HIP1: variants seen among roughly 807,000 people sequenced by gnomAD.
HIP1 encodes huntingtin-interacting protein 1.
HIP1 carries 65 observed loss-of-function variants against 147.6 expected under a neutral mutation model. That is an observed-to-expected ratio of 0.44 (90% CI 0.36 to 0.54). The LOEUF (loss-of-function observed/expected upper bound fraction) is 0.54. Among genes scored for constraint, HIP1 ranks in the 20% least tolerant of loss-of-function variants. The probability of loss-of-function intolerance (pLI) is 0.00; values close to 1 mark genes in which losing one functional copy is unlikely to be tolerated. For missense variants in HIP1, 1,061 were observed against 1,299.6 expected (o/e 0.82, Z 2.82); for synonymous variants, 479 against 504.0 (o/e 0.95, Z 0.67).
chr7:75,706,494 A>ATT (rs1285287876), intron 1 of HIP1, among the ~76,000 whole-genome samples: 2 of 112,944 alleles, frequency 1.8e-5, no homozygotes, highest in African/African-American at 7.0e-5. Flanking sequence ...TTTTTTTTTT[A>ATT]TTTTTTTATT....
Position 75,700,895 on chromosome 7 carries a change from C to T in HIP1, c.120+37906G>A, listed in dbSNP as rs539372142. Among the ~76,000 whole-genome samples the T allele has an allele frequency of 4.6e-5, 7 of 151,920 alleles. No homozygotes were observed. In the South Asian group the frequency reaches 1.2e-3, roughly 27 times the overall value. ...TAATTTTTTGTATTTTTAGTAGAGA[C>T]GGGGTTTCACCGTGTTAGCCAGGAT... On this transcript the variant is annotated intron_variant, in intron 1 of 30. Coordinates refer to ENST00000336926, the MANE Select transcript of HIP1 (RefSeq NM_005338.7).
rs60855107 is a variant in HIP1 at position 75,725,824 on chromosome 7, A to ATTTTT, written c.120+12972_120+12976dup. 8.3e-4 allele frequency among the ~76,000 whole-genome samples: 114 copies of ATTTTT among 136,530 alleles called. 2 individuals carry two copies. The highest frequency in any genetic ancestry group is 1.9e-3 in the East Asian group (9 of 4,634). The allele number at this position is 136,530 out of a possible 152,430, so 89.6% of individuals were successfully genotyped here. On this transcript the variant is annotated intron_variant, in intron 1 of 30. Transcript: ENST00000336926. ...ATGTCTGTGGGTGCATGTGCTATGC[A>ATTTTT]TTTTTTTTTTTTTTTTGAGACTGAG...
chr7:75,731,478 C>CAAAAAA (rs1214036700), intron 1 of HIP1, among the ~76,000 whole-genome samples: 7 of 36,260 alleles, frequency 1.9e-4, no homozygotes, highest in African/African-American at 4.3e-4. Flanking sequence ...GACTCCAACT[C>CAAAAAA]AAAAAAAAAA....
At chr7:75,727,929 C>T (rs953743282) in intron 1 of HIP1, among the ~76,000 whole-genome samples, 2 of 151,964 alleles carry the variant, frequency 1.3e-5, no homozygotes, top group Admixed American at 6.6e-5. Flanking sequence ...ACCCGGCTTC[C>T]GCTTTAAAGG....
At chr7:75,684,447 C>CAAAAAAAAAAA (rs59055803) in intron 1 of HIP1, among the ~76,000 whole-genome samples, 2 of 43,828 alleles carry the variant, frequency 4.6e-5, no homozygotes, top group Non-Finnish European at 9.8e-5. Context: ...GACTCCGTCT[C>CAAAAAAAAAAA]AAAAAAAAAA....
intron 12 of HIP1, among the ~76,000 whole-genome samples, chr7:75,561,793 C>A (rs1017263230): frequency 7.2e-5 from 11 of 152,204 alleles, no homozygotes; most frequent in East Asian, 3.9e-4. Flanking sequence ...CAGGTGTGTA[C>A]CACCTGCCCA....
intron 1 of HIP1, among the ~76,000 whole-genome samples, chr7:75,617,941 C>T (rs1325326915): frequency 6.6e-6 from 1 of 152,230 alleles, no homozygotes; most frequent in Non-Finnish European, 1.5e-5. Flanking sequence ...ATCCACCAGA[C>T]ATATCCTGAT....
At chr7:75,614,610 G>C (rs187344064) in intron 1 of HIP1, among the ~76,000 whole-genome samples, 1 of 152,254 alleles carries the variant, frequency 6.6e-6, no homozygotes, top group Non-Finnish European at 1.5e-5. Flanking sequence ...TTTCCTTTAC[G>C]GATAGTGAAA....
intron 8 of HIP1, among the ~76,000 whole-genome samples, chr7:75,570,581 G>A (rs964781536): frequency 1.3e-5 from 2 of 151,820 alleles, no homozygotes; most frequent in African/African-American, 4.8e-5. Flanking sequence ...GTGAGCCACC[G>A]TGCCCGGCCA....
chr7:75,555,728 A>G (rs1335527880), intron 18 of HIP1, among the ~76,000 whole-genome samples, 177 bp from the exon 19 acceptor site: 1 of 152,128 alleles, frequency 6.6e-6, no homozygotes, highest in East Asian at 1.9e-4. Context: ...GCGGCTGCCC[A>G]CGATGTGCGG....
chr7:75,691,918 G>T (rs761432176), intron 1 of HIP1, among the ~76,000 whole-genome samples: 27 of 152,222 alleles, frequency 1.8e-4, no homozygotes, highest in Admixed American at 5.2e-4. Flanking sequence ...TGGGCACTAT[G>T]GTTTCTTTGC....
At chr7:75,595,680 A>T (rs1201220683) in intron 2 of HIP1, among the ~76,000 whole-genome samples, 3 of 152,082 alleles carry the variant, frequency 2.0e-5, no homozygotes, top group Admixed American at 6.6e-5. Context: ...ATTCAGAAAT[A>T]ATGCCTTTCT....
intron 1 of HIP1, among the ~76,000 whole-genome samples, chr7:75,649,538 C>T (rs1434398070): frequency 2.6e-5 from 4 of 152,130 alleles, no homozygotes; most frequent in African/African-American, 7.2e-5. Context: ...TTGTTATTGC[C>T]AGCTGCGGTT....
chr7:75,596,533 C>G (rs1313280831), intron 2 of HIP1, among the ~76,000 whole-genome samples: 6 of 152,114 alleles, frequency 3.9e-5, no homozygotes, highest in Admixed American at 1.3e-4. Flanking sequence ...ATTACAGGTA[C>G]CTGCCACCAC....
intron 1 of HIP1, among the ~76,000 whole-genome samples, chr7:75,663,463 C>A (rs998453127): frequency 6.6e-6 from 1 of 151,996 alleles, no homozygotes; most frequent in Non-Finnish European, 1.5e-5. Context: ...GTCATCCTGG[C>A]GGCACTGCTC....
rs782308742 is a variant in HIP1, at chr7:75,649,335, TA to T, written c.121-50089del. On this transcript the variant is annotated intron_variant, in intron 1 of 30. Transcript: ENST00000336926. ...CACTGCAGCTGGTCTGGAACATTTT[TA>T]AATGAAATCATAGCAAAGCACTTTT... Among the ~76,000 whole-genome samples, 185 of 152,332 alleles carry T rather than the reference TA, an allele frequency of 1.2e-3. 1 individual carries two copies. The highest frequency in any genetic ancestry group is 2.1e-3 in the Non-Finnish European group (146 of 68,036).
At chr7:75,594,262 G>C (rs1486868211) in intron 2 of HIP1, among the ~76,000 whole-genome samples, 5 of 150,804 alleles carry the variant, frequency 3.3e-5, no homozygotes, top group East Asian at 2.0e-4. Context: ...CCTGGGCAAC[G>C]AGCAAAACTC....
chr7:75,611,820 G>A lies in HIP1; in HGVS notation c.121-12573C>T, dbSNP rs911566954. ...TGACCCAGCAGGCCCTCGTGTCCCC[G>A]GCTGGTTCCGGAGAGCCAATTACCA... On this transcript the variant is annotated intron_variant, in intron 1 of 30. Coordinates refer to ENST00000336926, the MANE Select transcript of HIP1 (RefSeq NM_005338.7). The A allele has an allele frequency of 7.2e-5, 74 of 1,030,796 alleles. No individual in the cohort carries two copies. The Admixed American group carries it at 2.5e-3, about 34-fold the overall frequency. 63.9% of individuals were successfully genotyped at this position (1,030,796 alleles called of 1,614,324 possible). A position where few individuals can be genotyped will look rare whatever the true frequency, so the allele number is the denominator to read the frequency against.
At chr7:75,550,323 C>G (rs1043239256) in intron 22 of HIP1, among the ~76,000 whole-genome samples, 4 of 152,214 alleles carry the variant, frequency 2.6e-5, no homozygotes, top group Admixed American at 2.6e-4. Flanking sequence ...CCTATTTGAA[C>G]TTGTATGTGC....
Sources: gnomAD v4.1 joint callset for allele counts (sites outside exome capture counted in the v4.1 genomes callset) on GRCh38, gnomAD v4.1.1 for gene constraint, MANE v1.5 for transcripts, NCBI Gene and HGNC (gene_info 2026-07-23, HGNC 2026-07-21) for gene names.